DNPEP: variants seen among roughly 807,000 people sequenced by gnomAD.
The protein encoded by DNPEP is aspartyl aminopeptidase.
Under a neutral mutation model 59.1 loss-of-function variants are expected in DNPEP, and 46 were observed. The observed-to-expected ratio is 0.78, with a 90% CI of 0.61 to 0.99. The LOEUF (loss-of-function observed/expected upper bound fraction) is 0.99, where lower values mean the gene tolerates loss of function less well. DNPEP is among the 50% of genes least tolerant of loss of function. DNPEP has a pLI of 0.00. For missense variants in DNPEP, 617 were observed against 649.9 expected, an observed-to-expected ratio of 0.95 and a Z score of 0.55; for synonymous variants, 229 against 242.2, an observed-to-expected ratio of 0.95 and a Z score of 0.50.
At chr2:219,393,278 C>CT (rs993287603), upstream of DNPEP, among the ~76,000 whole-genome samples, 9 of 149,324 alleles carry the variant, frequency 6.0e-5, no homozygotes, top group Non-Finnish European at 9.0e-5. Context: ...GACAAGCTTA[C>CT]TTTTTTTTTT....
chr2:219,388,000 C>G, upstream of DNPEP: 1 of 1,236,948 alleles, frequency 8.1e-7, no homozygotes, highest in Non-Finnish European at 1.0e-6. Flanking sequence ...TCGGTCAGCC[C>G]CGCCCCTCGG....
At position 219,383,159 on chromosome 2, in the gene DNPEP, C is replaced by T. The variant is rs747761184; in HGVS notation, c.908G>A (p.Arg303His). The T allele has an allele frequency of 3.5e-5, 56 of 1,614,044 alleles. No individual in the cohort carries two copies. Among genetic ancestry groups the T allele is most frequent in the Admixed American group, 8.3e-5 (5 of 60,000 alleles). ...TTCGTTGTCATAGAGTGTGACCATGCGCACGTGAGGCTCTGTGGCCAGGGA... is the reference window on the plus strand; with the variant it reads ...TTCGTTGTCATAGAGTGTGACCATGTGCACGTGAGGCTCTGTGGCCAGGGA... ...PGSLATEPHV[R>H]MVTLYDNEEV... Residue 303 changes from arginine to histidine, a missense_variant, in exon 10 of 15, where the codon CGC becomes CAC. Physicochemically the swap from Arg to His is conservative, Grantham distance 29 (BLOSUM62 0). Transcript: ENST00000273075.
upstream of DNPEP, chr2:219,388,767 A>G: frequency 1.0e-6 from 1 of 985,526 alleles, no homozygotes; most frequent in African/African-American, 1.7e-5. Context: ...CAATAAAAGC[A>G]ATAAGGCTAA....
At chr2:219,386,861 TGC>T (rs761368349) in intron 3 of DNPEP, 29 bp downstream of exon 3, 29 of 1,611,054 alleles carry the variant, frequency 1.8e-5, no homozygotes, top group Non-Finnish European at 2.3e-5. Context: ...CCTAGGGACC[TGC>T]CTTTCCACCC....
At chr2:219,382,738 A>C (rs551342793) in intron 10 of DNPEP, among the ~76,000 whole-genome samples, 1 of 152,196 alleles carries the variant, frequency 6.6e-6, no homozygotes, top group Non-Finnish European at 1.5e-5. Context: ...GACCCCTCCT[A>C]AACTGCTAAC....
Position 219,374,299 on chromosome 2 carries a change from A to C in DNPEP, c.1451T>G (p.Val484Gly). Residue 484 changes from valine (V) to glycine (G), a missense_variant, in exon 15 of 15, where the codon GTG becomes GGG. By Grantham distance (109) the Val-to-Gly change is moderately radical. Transcript: ENST00000273075. ...AAGTCTTTCCAAGAGGGCTCAATCC[A>C]CTAAGAGATTATGGCTTAGAGAAGG... ...LFPSLSHNLL[V>G]D 1 of 1,614,056 alleles carries C rather than the reference A, an allele frequency of 6.2e-7. No homozygotes were observed. The highest frequency in any genetic ancestry group is 1.1e-5 in the South Asian group (1 of 91,082).
chr2:219,385,987 GC>G lies in DNPEP; in HGVS notation c.570del (p.Asn192ThrfsTer6). The G allele has an allele frequency of 6.2e-7, 1 of 1,614,128 alleles. No individual in the cohort carries two copies. Among genetic ancestry groups the G allele is most frequent in the Non-Finnish European group, 8.5e-7 (1 of 1,180,014 alleles). ...TCTCACAGATGCATCTCTGTGTTGGGCCCAAAGTTCTCGTTGATATTTCGCT... is the reference window on the plus strand; with the variant it reads ...TCTCACAGATGCATCTCTGTGTTGGGCCAAAGTTCTCGTTGATATTTCGCT... ...HLQRNINENF[G>X]PNTEMHLVPI... On this transcript the variant is annotated frameshift_variant, in exon 6 of 15. Coordinates refer to ENST00000273075, the MANE Select transcript of DNPEP (RefSeq NM_012100.4). LOFTEE classifies it high-confidence loss of function.
chr2:219,381,620 A>T lies in DNPEP; in HGVS notation c.1098-36T>A, dbSNP rs576791911. Reference sequence around the variant, plus strand: ...CAGATAAGGGCCAGACATAGCAAACAGGAGCAGGCCTGTCGACACTCACCA... The same window carrying T: ...CAGATAAGGGCCAGACATAGCAAACTGGAGCAGGCCTGTCGACACTCACCA... On this transcript the variant is annotated intron_variant, in intron 11 of 14. Transcript: ENST00000273075. 5 of 1,611,054 alleles carry T rather than the reference A, an allele frequency of 3.1e-6. No individual in the cohort carries two copies. In the Admixed American group the frequency reaches 8.3e-5, roughly 27 times the overall value.
intron 13 of DNPEP, among the ~76,000 whole-genome samples, chr2:219,380,414 G>A (rs373494297): frequency 3.3e-5 from 5 of 151,966 alleles, no homozygotes; most frequent in African/African-American, 1.2e-4. Context: ...GTAGGATGGG[G>A]TTTCACCATG....
At chr2:219,397,165 G>C (rs927869709) in intron 1 of DNPEP, among the ~76,000 whole-genome samples, 1 of 152,142 alleles carries the variant, frequency 6.6e-6, no homozygotes, top group Non-Finnish European at 1.5e-5. Flanking sequence ...TTTATTAGCT[G>C]TGGGTCGTAT....
chr2:219,382,252 T>C, intron 10 of DNPEP, 113 bp from the exon 11 acceptor site: 1 of 1,238,868 alleles, frequency 8.1e-7, no homozygotes. Context: ...AGTCACTGGG[T>C]GTTCTTAGCA....
At chr2:219,394,634 C>G (rs934192243) in intron 1 of DNPEP, among the ~76,000 whole-genome samples, 1 of 152,118 alleles carries the variant, frequency 6.6e-6, no homozygotes, top group African/African-American at 2.4e-5. Flanking sequence ...TCTCTCTACC[C>G]TCACTCCCTT....
intron 1 of DNPEP, among the ~76,000 whole-genome samples, chr2:219,394,379 C>G (rs1954063951): frequency 6.6e-6 from 1 of 152,240 alleles, no homozygotes; most frequent in African/African-American, 2.4e-5. Flanking sequence ...CTCACCACCA[C>G]TCCTTTGGGT....
intron 9 of DNPEP, 45 bp from the exon 10 acceptor site, chr2:219,383,259 T>A (rs746352809): frequency 6.3e-7 from 1 of 1,575,468 alleles, no homozygotes; most frequent in Non-Finnish European, 8.7e-7. Flanking sequence ...AACCTGCTTC[T>A]GCTGGAACTC....
chr2:219,397,868 G>T (rs1042603098), intron 1 of DNPEP, among the ~76,000 whole-genome samples: 1 of 151,902 alleles, frequency 6.6e-6, no homozygotes, highest in African/African-American at 2.4e-5. Flanking sequence ...GGGATTACAG[G>T]CATGAGCCAC....
At chr2:219,386,503 T>C (rs1953843483) in intron 4 of DNPEP, 92 bp from the exon 5 acceptor site, 3 of 1,556,332 alleles carry the variant, frequency 1.9e-6, no homozygotes, top group Admixed American at 3.4e-5. Context: ...CAGCGAATAT[T>C]AGTGTCACAT....
chr2:219,374,533 G>C (rs1279695069), intron 14 of DNPEP, among the ~76,000 whole-genome samples, 191 bp from the exon 15 acceptor site: 2 of 152,170 alleles, frequency 1.3e-5, no homozygotes, highest in African/African-American at 4.8e-5. Context: ...CTTTGGGTCA[G>C]GGCCCCTGAG....
In DNPEP at chr2:219,381,995, C is replaced by T. The variant is rs774946742; in HGVS notation, c.1081G>A (p.Val361Met). The T allele has an allele frequency of 1.2e-6, 2 of 1,614,214 alleles. No individual in the cohort carries two copies. The highest frequency in any genetic ancestry group is 1.7e-6 in the Non-Finnish European group (2 of 1,180,036). Residue 361 changes from valine (V) to methionine (M), a missense_variant, in exon 11 of 15, where the codon GTG becomes ATG. Physicochemically the swap from Val to Met is conservative, Grantham distance 21 (BLOSUM62 1). Coordinates refer to ENST00000273075, the MANE Select transcript of DNPEP (RefSeq NM_012100.4). Reference sequence around the variant, plus strand: ...GAGACTCACAGGTAGTTGGGATGCACAGCATGGGCCATGTCTGCGCTGATC... The same window carrying T: ...GAGACTCACAGGTAGTTGGGATGCATAGCATGGGCCATGTCTGCGCTGATC... Reference protein sequence around the residue: ...FMISADMAHAVHPNYLDKHEE... With the variant: ...FMISADMAHAMHPNYLDKHEE...
chr2:219,398,857 CT>C, intron 1 of DNPEP, among the ~76,000 whole-genome samples: 1 of 152,360 alleles, frequency 6.6e-6, no homozygotes, highest in Middle Eastern at 3.4e-3. Context: ...AATGCAGCTT[CT>C]GATGCACCCC....
Sources: gnomAD v4.1 joint callset for allele counts (sites outside exome capture counted in the v4.1 genomes callset) on GRCh38, gnomAD v4.1.1 for gene constraint, MANE v1.5 for transcripts, NCBI Gene and HGNC (gene_info 2026-07-23, HGNC 2026-07-21) for gene names.